Variants in JUP observed in about 807,000 individuals in gnomAD.
The protein encoded by JUP is catenin (cadherin-associated protein), gamma 80kDa.
JUP carries 28 observed loss-of-function variants against 71.1 expected under a neutral mutation model. The ratio of observed to expected loss-of-function variants is 0.39; its 90% CI spans 0.29 to 0.54. The LOEUF (loss-of-function observed/expected upper bound fraction) is 0.54, where lower values mean the gene tolerates loss of function less well. Ranked by LOEUF, JUP falls within the 20% of genes least tolerant of loss-of-function variation. The pLI is 0.62. For synonymous variants in JUP, 401 were observed against 438.9 expected, an observed-to-expected ratio of 0.91 and a Z score of 1.08; for missense variants, 869 against 1,030.1, an observed-to-expected ratio of 0.84 and a Z score of 2.14.
chr17:41,769,249 G>A (rs775591403), intron 3 of JUP, 42 bp from the exon 4 acceptor site: 9 of 1,585,698 alleles, frequency 5.7e-6, no homozygotes, highest in Non-Finnish European at 7.7e-6. Flanking sequence ...GCACTAAGGA[G>A]AGGCCGGGAT....
intron 7 of JUP, 43 bp downstream of exon 7, chr17:41,764,670 G>T (rs1915408713): frequency 2.0e-6 from 3 of 1,523,588 alleles, no homozygotes; most frequent in Non-Finnish European, 1.8e-6. Flanking sequence ...GGCTGGATGG[G>T]GCAGCTGAAG....
rs794729044 is a variant in JUP, at chr17:41,764,741, C to T, written c.1130G>A (p.Arg377His). The change falls in exon 7 of 14, where the codon CGC becomes CAC. Residue 377 changes from arginine to histidine, a missense_variant. Arg to His is a conservative substitution (Grantham distance 29, BLOSUM62 0). Transcript: ENST00000393931. ...RLVQNCLWTL[R>H]NLSDVATKQE... is the part of the protein sequence containing the mutation. ...CTTGGTGGCCACATCTGAGAGGTTG[C>T]GCAGGGTCCACAGGCAGTTCTGCAC... 4.3e-5 allele frequency: 69 copies of T among 1,613,128 alleles called. No individual in the cohort carries two copies. The highest frequency in any genetic ancestry group is 1.9e-4 in the South Asian group (17 of 91,040).
intron 8 of JUP, among the ~76,000 whole-genome samples, chr17:41,762,312 T>A (rs1915031454): frequency 6.6e-6 from 1 of 150,638 alleles, no homozygotes; most frequent in Non-Finnish European, 1.5e-5. Flanking sequence ...TGGCCTCAAG[T>A]GATCCTTCCG....
At chr17:41,772,213 C>G (rs1173372657) in intron 1 of JUP, 1 of 391,408 alleles carries the variant, frequency 2.6e-6, no homozygotes, top group Non-Finnish European at 4.9e-6. Context: ...TGACCCAACT[C>G]TCCCAGGGGC....
At chr17:41,771,941 G>C (rs893993452) in intron 1 of JUP, 79 bp from the exon 2 acceptor site, 16 of 1,184,686 alleles carry the variant, frequency 1.4e-5, no homozygotes, top group Non-Finnish European at 2.0e-5. Flanking sequence ...ACCAAGCCCC[G>C]CCTGTCTTCC....
At position 41,763,223 on chromosome 17, in the gene JUP, T is replaced by G; in HGVS notation, c.1257A>C (p.Thr419=). Residue 419 remains threonine (T), a synonymous_variant, in exon 8 of 14, where the codon ACA becomes ACC. Transcript: ENST00000393931. ...GCGTCTTGTTCTTGCTGTTGTTGCATGTCAGGTTGGAGAGTGTGCCCGTGG... is the reference window on the plus strand; with the variant it reads ...GCGTCTTGTTCTTGCTGTTGTTGCAGGTCAGGTTGGAGAGTGTGCCCGTGG... ...TCATGTLSNL[T]CNNSKNKTLV... The G allele has an allele frequency of 6.2e-7, 1 of 1,614,236 alleles. No individual in the cohort carries two copies. Among genetic ancestry groups the G allele is most frequent in the Non-Finnish European group, 8.5e-7 (1 of 1,180,036 alleles).
At chr17:41,784,860 TTCTC>T (rs1272091435) in intron 1 of JUP, 2 of 152,018 alleles carry the variant, frequency 1.3e-5, no homozygotes, top group African/African-American at 2.4e-5. Flanking sequence ...AACTGTTGTA[TTCTC>T]TCTCTGTTCC....
At chr17:41,781,260 C>T (rs567810483) in intron 1 of JUP, among the ~76,000 whole-genome samples, 2 of 150,230 alleles carry the variant, frequency 1.3e-5, no homozygotes, top group Admixed American at 6.6e-5. Flanking sequence ...GAGGCTGAGA[C>T]AGGAGAATCA....
chr17:41,769,965 T>C (rs1450398635), intron 2 of JUP, among the ~76,000 whole-genome samples: 1 of 151,884 alleles, frequency 6.6e-6, no homozygotes, highest in Admixed American at 6.6e-5. Context: ...ATGCCCTGCT[T>C]ATATTTTCTC....
Position 41,756,007 on chromosome 17 carries a change from A to AC in JUP, c.2087-113dup, listed in dbSNP as rs61064630. ...CCCATGCCCACCCCTGGTGGGCCTG[A>AC]CCCCTCCCCAGACCCCACACCAGGG... On this transcript the variant is annotated intron_variant, in intron 13 of 13. Coordinates refer to ENST00000393931, the MANE Select transcript of JUP (RefSeq NM_002230.4). The AC allele has an allele frequency of 0.72, 988,173 of 1,371,446 alleles. 363,910 individuals are homozygous for AC. Among genetic ancestry groups the AC allele is most frequent in the African/African-American group, 0.89 (61,820 of 69,836 alleles). The allele number at this position is 1,371,446 out of a possible 1,614,324, so 85.0% of individuals were successfully genotyped here.
At position 41,764,534 on chromosome 17, in the gene JUP, G is replaced by GGAAAAAAA. The variant is rs60346985; in HGVS notation, c.1158+178_1158+179insTTTTTTTC. 1.4e-4 allele frequency among the ~76,000 whole-genome samples: 12 copies of GGAAAAAAA among 83,906 alleles called. 3 individuals carry two copies. Among genetic ancestry groups the GGAAAAAAA allele is most frequent in the South Asian group, 3.4e-4 (1 of 2,950 alleles). 55.0% of individuals were successfully genotyped at this position (83,906 alleles called of 152,430 possible). On this transcript the variant is annotated intron_variant, in intron 7 of 13. Coordinates refer to ENST00000393931, the MANE Select transcript of JUP (RefSeq NM_002230.4). The stretch of plus-strand genomic sequence containing the variant: ...TAGGTGACAGAGTGAGACTCCGTCA[G>GGAAAAAAA]AAAAAAAAAAAAAAAAAAAAAAAGA...
chr17:41,779,336 T>TG (rs2047050068), intron 1 of JUP, among the ~76,000 whole-genome samples: 1 of 128,842 alleles, frequency 7.8e-6, no homozygotes, highest in Admixed American at 7.3e-5. Context: ...CTTCCCAATT[T>TG]TTTTTTTTTT....
At chr17:41,757,811 G>A in intron 10 of JUP, 27 bp from the exon 11 acceptor site, 1 of 1,592,294 alleles carries the variant, frequency 6.3e-7, no homozygotes, top group Non-Finnish European at 8.6e-7. Flanking sequence ...TGGGAAGCAG[G>A]GGAGAGGTGG....
chr17:41,773,825 T>C (rs1040226430), intron 1 of JUP, among the ~76,000 whole-genome samples: 2 of 152,214 alleles, frequency 1.3e-5, no homozygotes, highest in Non-Finnish European at 1.5e-5. Flanking sequence ...GAGGAGAGTT[T>C]GGAAGAGAAG....
At chr17:41,768,398 T>C (rs1947605897) in intron 4 of JUP, among the ~76,000 whole-genome samples, 1 of 54,398 alleles carries the variant, frequency 1.8e-5, no homozygotes. Flanking sequence ...AAACTCCATC[T>C]CAAAACAAAA....
chr17:41,756,717 T>C (rs1249388769), intron 12 of JUP, among the ~76,000 whole-genome samples: 3 of 152,086 alleles, frequency 2.0e-5, no homozygotes, highest in African/African-American at 7.2e-5. Context: ...CTGGCCAACA[T>C]GGCGAAACCG....
intron 8 of JUP, among the ~76,000 whole-genome samples, chr17:41,760,479 C>T (rs1243232668): frequency 1.3e-5 from 2 of 151,488 alleles, no homozygotes; most frequent in Admixed American, 6.6e-5. Context: ...AGGATGGTCT[C>T]GATCTCCTGA....
intron 8 of JUP, among the ~76,000 whole-genome samples, chr17:41,759,481 C>A: frequency 6.6e-6 from 1 of 151,572 alleles, no homozygotes. Context: ...CTTAACCACC[C>A]CCCACAGACA....
At chr17:41,775,403 C>G (rs2046833946) in intron 1 of JUP, among the ~76,000 whole-genome samples, 1 of 152,210 alleles carries the variant, frequency 6.6e-6, no homozygotes, top group Admixed American at 6.5e-5. Flanking sequence ...CCCCACCCTT[C>G]TCCTTACCTA....
Sources: gnomAD v4.1 joint callset for allele counts (sites outside exome capture counted in the v4.1 genomes callset) on GRCh38, gnomAD v4.1.1 for gene constraint, MANE v1.5 for transcripts, NCBI Gene and HGNC (gene_info 2026-07-23, HGNC 2026-07-21) for gene names.